LRRC71: variants seen among roughly 807,000 people sequenced by gnomAD.
The protein encoded by LRRC71 is leucine-rich repeat-containing protein 71.
In LRRC71, 54 loss-of-function variants were observed where a neutral mutation model predicts 66.6. The ratio of observed to expected loss-of-function variants is 0.81; its 90% CI spans 0.65 to 1.02. LRRC71 has a LOEUF of 1.02. Ranked by LOEUF, LRRC71 falls within the 50% of genes least tolerant of loss-of-function variation. The pLI is 0.00. For synonymous variants in LRRC71, 323 were observed against 303.9 expected, an observed-to-expected ratio of 1.06 and a Z score of -0.65; for missense variants, 724 against 718.0, an observed-to-expected ratio of 1.01 and a Z score of -0.10.
chr1:156,932,687 A>G (rs553571306), intron 14 of LRRC71, 142 bp downstream of exon 14: 1 of 1,571,618 alleles, frequency 6.4e-7, no homozygotes, highest in Admixed American at 1.7e-5. Flanking sequence ...TAATCACAAC[A>G]TAACCTCCAT....
intron 1 of LRRC71, among the ~76,000 whole-genome samples, chr1:156,922,312 C>A (rs1652513094): frequency 6.6e-6 from 1 of 152,052 alleles, no homozygotes; most frequent in Non-Finnish European, 1.5e-5. Context: ...GAAACCTGAG[C>A]AGCCAGCAGA....
the LRRC71 span, chr1:156,938,620 G>A: frequency 1.0e-6 from 1 of 971,992 alleles, no homozygotes; most frequent in Non-Finnish European, 1.6e-6. Flanking sequence ...ACAGGGGGAG[G>A]AGAAAATGGG....
chr1:156,924,278 G>A, intron 2 of LRRC71, 146 bp from the exon 3 acceptor site: 1 of 1,318,132 alleles, frequency 7.6e-7, no homozygotes, highest in Non-Finnish European at 1.0e-6. Context: ...ACCCAGCAGA[G>A]GCGCGAGTGG....
the LRRC71 span, chr1:156,940,000 G>A: frequency 1.3e-6 from 2 of 1,552,122 alleles, no homozygotes; most frequent in East Asian, 4.5e-5. Flanking sequence ...CCCCAAGGTG[G>A]TGACCTCAGG....
chr1:156,932,245 G>C, intron 13 of LRRC71, 179 bp from the exon 14 acceptor site: 1 of 661,948 alleles, frequency 1.5e-6, no homozygotes. Context: ...AGAGGAGTTA[G>C]AGAGATGGGG....
chr1:156,921,197 CA>C (rs1301829572), intron 1 of LRRC71, among the ~76,000 whole-genome samples: 2 of 152,140 alleles, frequency 1.3e-5, no homozygotes, highest in Non-Finnish European at 2.9e-5. Flanking sequence ...GAGGAAGGCC[CA>C]GGGGGTGAGG....
At chr1:156,924,580 AG>A in intron 3 of LRRC71, 28 bp downstream of exon 3, 1 of 827,598 alleles carries the variant, frequency 1.2e-6, no homozygotes, top group Non-Finnish European at 1.8e-6. Flanking sequence ...CACCCGCCCC[AG>A]CTCCCTCCCG....
At chr1:156,939,669 C>A in the LRRC71 span, 1 of 1,614,030 alleles carries the variant, frequency 6.2e-7, no homozygotes, top group Non-Finnish European at 8.5e-7. Context: ...GTAGGTGTTC[C>A]AGAGAACAGA....
Position 156,927,486 on chromosome 1 carries a change from G to T in LRRC71, c.663-10G>T. On this transcript the variant is annotated splice_polypyrimidine_tract_variant and intron_variant, in intron 6 of 14. Coordinates refer to ENST00000337428, the MANE Select transcript of LRRC71 (RefSeq NM_144702.3). ...TCCAGCGACCCACATTCTCCCTCCG[G>T]CTGCCCCAGGATTGCGCACTTGTCT... 6.6e-7 allele frequency: 1 copy of T among 1,521,620 alleles called. No homozygotes were observed. The highest frequency in any genetic ancestry group is 8.8e-7 in the Non-Finnish European group (1 of 1,135,694). 94.3% of individuals were successfully genotyped at this position (1,521,620 alleles called of 1,614,324 possible). A position where few individuals can be genotyped will look rare whatever the true frequency, so the allele number is the denominator to read the frequency against.
At chr1:156,936,142 G>A (rs767268793), downstream of LRRC71, 9 of 1,362,828 alleles carry the variant, frequency 6.6e-6, no homozygotes, top group East Asian at 6.9e-5. Flanking sequence ...TCAGGCTCAC[G>A]AGAACAGATC....
intron 3 of LRRC71, 39 bp downstream of exon 3, chr1:156,924,591 G>T: frequency 4.2e-6 from 3 of 713,874 alleles, no homozygotes; most frequent in Non-Finnish European, 6.7e-6. Flanking sequence ...GCTCCCTCCC[G>T]CTCCCCTGGA....
the LRRC71 span, chr1:156,940,357 T>C: frequency 6.2e-7 from 1 of 1,613,828 alleles, no homozygotes; most frequent in South Asian, 1.1e-5. Context: ...TCCTCTGCAC[T>C]GCCCTCCTGC....
chr1:156,925,432 A>G (rs1653044896), intron 5 of LRRC71, among the ~76,000 whole-genome samples: 1 of 152,196 alleles, frequency 6.6e-6, no homozygotes, highest in Admixed American at 6.5e-5. Flanking sequence ...CTGCAGGGCA[A>G]TGTGGAGACT....
downstream of LRRC71, chr1:156,937,059 C>T: frequency 1.3e-6 from 2 of 1,592,194 alleles, no homozygotes; most frequent in Non-Finnish European, 1.7e-6. Context: ...CCTAAGGCCC[C>T]TGGGGAAGGG....
intron 1 of LRRC71, among the ~76,000 whole-genome samples, chr1:156,922,628 C>T (rs1016022143): frequency 6.6e-6 from 1 of 152,192 alleles, no homozygotes; most frequent in African/African-American, 2.4e-5. Flanking sequence ...GAGCCCATTT[C>T]CATCCAGGCA....
the LRRC71 span, chr1:156,940,097 A>G: frequency 1.4e-6 from 2 of 1,421,430 alleles, no homozygotes; most frequent in African/African-American, 2.9e-5. Flanking sequence ...TCTCTCCTCA[A>G]GCACACCAGG....
chr1:156,926,364 C>T (rs1050137625), intron 5 of LRRC71, among the ~76,000 whole-genome samples: 1 of 152,172 alleles, frequency 6.6e-6, no homozygotes, highest in Admixed American at 6.5e-5. Flanking sequence ...GAATCTGCCT[C>T]CAGGCTCACT....
intron 5 of LRRC71, among the ~76,000 whole-genome samples, chr1:156,926,769 T>A (rs11799423): frequency 0.18 from 26,749 of 151,886 alleles, 2,382 homozygotes; most frequent in East Asian, 0.31. Flanking sequence ...AAAGACGGGG[T>A]TTCACCCTGT....
chr1:156,934,431 C>T (rs1038937593), downstream of LRRC71, among the ~76,000 whole-genome samples: 6 of 152,148 alleles, frequency 3.9e-5, no homozygotes, highest in African/African-American at 1.4e-4. Flanking sequence ...GCAACCCTCC[C>T]ACTTAGATTT....
Sources: gnomAD v4.1 joint callset for allele counts (sites outside exome capture counted in the v4.1 genomes callset) on GRCh38, gnomAD v4.1.1 for gene constraint, MANE v1.5 for transcripts, NCBI Gene and HGNC (gene_info 2026-07-23, HGNC 2026-07-21) for gene names.